ADGRL3: variants seen among roughly 807,000 people sequenced by gnomAD.
ADGRL3 encodes the protein calcium-independent alpha-latrotoxin receptor 3.
In ADGRL3, 62 loss-of-function variants were observed where a neutral mutation model predicts 153.5. The observed-to-expected ratio is 0.40, with a 90% CI of 0.33 to 0.50. ADGRL3 has a LOEUF of 0.50. Among genes scored for constraint, ADGRL3 ranks in the 20% least tolerant of loss-of-function variants. The pLI is 0.47. For missense variants in ADGRL3, 1,641 were observed against 1,859.4 expected, an observed-to-expected ratio of 0.88 and a Z score of 2.16; for synonymous variants, 710 against 672.5, an observed-to-expected ratio of 1.06 and a Z score of -0.86.
At chr4:61,865,577 T>G (rs2098392676) in intron 9 of ADGRL3, among the ~76,000 whole-genome samples, 1 of 152,324 alleles carries the variant, frequency 6.6e-6, no homozygotes, top group South Asian at 2.1e-4. Context: ...ATAATCCAGT[T>G]ATTGAAATTC....
At chr4:61,372,813 CG>C (rs1330440117) in intron 1 of ADGRL3, among the ~76,000 whole-genome samples, 1 of 151,974 alleles carries the variant, frequency 6.6e-6, no homozygotes, top group Non-Finnish European at 1.5e-5. Flanking sequence ...CAATGGCGGG[CG>C]CCCCTCCCCC....
chr4:61,964,434 T>C (rs944395367), intron 17 of ADGRL3, among the ~76,000 whole-genome samples: 5 of 152,198 alleles, frequency 3.3e-5, no homozygotes, highest in Non-Finnish European at 5.9e-5. Flanking sequence ...TTTATCTACA[T>C]CTAATCAGGT....
intron 5 of ADGRL3, among the ~76,000 whole-genome samples, chr4:61,635,471 G>A (rs758646432): frequency 2.0e-5 from 3 of 152,102 alleles, no homozygotes; most frequent in Admixed American, 6.6e-5. Flanking sequence ...GCCCTATACC[G>A]TTGGGACAGG....
chr4:61,742,226 T>G (rs2096589362), intron 8 of ADGRL3, among the ~76,000 whole-genome samples: 1 of 152,134 alleles, frequency 6.6e-6, no homozygotes, highest in Non-Finnish European at 1.5e-5. Flanking sequence ...AGACATATGC[T>G]TCACTTCTCT....
In ADGRL3 at chr4:61,840,924, T is replaced by C. The variant is rs759372925; in HGVS notation, c.1480+27035T>C. ...GATTTTATCTTTTAGAATTGCTTTCTTCCTTCCCCACCTCTTTTTCTCTAT... is the reference window on the plus strand; with the variant it reads ...GATTTTATCTTTTAGAATTGCTTTCCTCCTTCCCCACCTCTTTTTCTCTAT... On this transcript the variant is annotated intron_variant, in intron 9 of 26. Coordinates refer to ENST00000683033, the MANE Select transcript of ADGRL3 (RefSeq NM_001387552.1). Among the ~76,000 whole-genome samples, 84 of 152,304 alleles carry C rather than the reference T, an allele frequency of 5.5e-4. No individual in the cohort carries two copies. The Middle Eastern group carries it at 0.01, about 19-fold the overall frequency.
chr4:61,394,035 A>T (rs776187973), intron 2 of ADGRL3, among the ~76,000 whole-genome samples: 2 of 152,098 alleles, frequency 1.3e-5, no homozygotes, highest in Non-Finnish European at 2.9e-5. Context: ...TCTTTGTGAA[A>T]ACTTTGCAGA....
In ADGRL3 at chr4:61,815,794, C is replaced by T. The variant is rs145645459; in HGVS notation, c.1480+1905C>T. Among the ~76,000 whole-genome samples the T allele has an allele frequency of 3.4e-3, 514 of 152,240 alleles. 2 individuals carry two copies. Among genetic ancestry groups the T allele is most frequent in the Non-Finnish European group, 5.3e-3 (358 of 68,004 alleles). ...GGAAACTAGGTAGGTCCTTTTTGCT[C>T]TTAGGCCTTTTGCAATGTGAGGACA... On this transcript the variant is annotated intron_variant, in intron 9 of 26. Transcript: ENST00000683033.
At chr4:61,482,985 A>T (rs181331572) in intron 2 of ADGRL3, among the ~76,000 whole-genome samples, 2 of 152,326 alleles carry the variant, frequency 1.3e-5, no homozygotes, top group African/African-American at 4.8e-5. Context: ...AATAATTGGG[A>T]TGAGTTCATT....
At chr4:61,695,361 A>C (rs571190901) in intron 6 of ADGRL3, among the ~76,000 whole-genome samples, 4 of 152,194 alleles carry the variant, frequency 2.6e-5, no homozygotes, top group African/African-American at 9.7e-5. Context: ...GTCCTTGTAC[A>C]TTATCATCAG....
At chr4:61,708,884 C>T (rs1243233547) in intron 6 of ADGRL3, among the ~76,000 whole-genome samples, 2 of 151,952 alleles carry the variant, frequency 1.3e-5, no homozygotes, top group Non-Finnish European at 2.9e-5. Context: ...GATCTTGGCT[C>T]TTGCTACCTC....
intron 8 of ADGRL3, among the ~76,000 whole-genome samples, chr4:61,750,810 A>AAAAAG (rs746270309): frequency 2.0e-5 from 3 of 147,094 alleles, no homozygotes; most frequent in African/African-American, 8.0e-5. Context: ...AAAAAAAAAA[A>AAAAAG]AAGTCAAAGC....
At chr4:61,288,388 C>A (rs1225990858) in intron 1 of ADGRL3, among the ~76,000 whole-genome samples, 2 of 151,886 alleles carry the variant, frequency 1.3e-5, no homozygotes, top group African/African-American at 4.8e-5. Flanking sequence ...CAAGGACCGA[C>A]TCTCTTTTCA....
chr4:61,567,069 G>A (rs879528128), intron 4 of ADGRL3, among the ~76,000 whole-genome samples: 6 of 152,054 alleles, frequency 3.9e-5, no homozygotes, highest in African/African-American at 1.2e-4. Context: ...AGAAAATGCA[G>A]GGCAAGAACC....
At chr4:61,515,767 C>A (rs2098490034) in intron 3 of ADGRL3, among the ~76,000 whole-genome samples, 1 of 152,030 alleles carries the variant, frequency 6.6e-6, no homozygotes, top group Non-Finnish European at 1.5e-5. Flanking sequence ...AGAAAACATG[C>A]CTGTATATAT....
At chr4:61,693,560 C>T (rs1395466129) in intron 6 of ADGRL3, among the ~76,000 whole-genome samples, 1 of 152,142 alleles carries the variant, frequency 6.6e-6, no homozygotes, top group Non-Finnish European at 1.5e-5. Flanking sequence ...GCTTGCTCCA[C>T]CACCTCCATT....
At chr4:61,948,368 A>T in intron 17 of ADGRL3, 92 bp downstream of exon 17, 1 of 864,038 alleles carries the variant, frequency 1.2e-6, no homozygotes, top group Non-Finnish European at 1.7e-6. Context: ...TCATATTTCA[A>T]TGTTTTCCTA....
At chr4:61,776,581 A>C (rs1442657640) in intron 8 of ADGRL3, among the ~76,000 whole-genome samples, 2 of 152,180 alleles carry the variant, frequency 1.3e-5, no homozygotes, top group Non-Finnish European at 1.5e-5. Flanking sequence ...TGAATTTTAA[A>C]AAATATATTC....
intron 1 of ADGRL3, among the ~76,000 whole-genome samples, chr4:61,295,402 A>G (rs1295515942): frequency 1.3e-5 from 2 of 152,092 alleles, no homozygotes; most frequent in Non-Finnish European, 2.9e-5. Flanking sequence ...ACCATGGTAT[A>G]TATAGGATTC....
intron 9 of ADGRL3, among the ~76,000 whole-genome samples, chr4:61,835,227 T>C (rs1416390161): frequency 1.3e-5 from 2 of 151,628 alleles, no homozygotes; most frequent in Non-Finnish European, 2.9e-5. Context: ...GGGTTTTTTT[T>C]CCAAAACGAG....
Sources: allele counts gnomAD v4.1 joint callset (sites outside exome capture counted in the v4.1 genomes callset), GRCh38; gene constraint gnomAD v4.1.1; transcripts MANE v1.5; gene names NCBI Gene and HGNC (gene_info 2026-07-23, HGNC 2026-07-21).